Variants in SPAG6 observed in about 807,000 individuals in gnomAD.
SPAG6 encodes sperm associated antigen 6, also known as sperm-associated antigen 6.
SPAG6 carries 49 observed loss-of-function variants against 58.5 expected under a neutral mutation model. The ratio of observed to expected loss-of-function variants is 0.84; its 90% CI spans 0.67 to 1.06. The LOEUF is 1.06. Among genes scored for constraint, SPAG6 ranks in the 50% least tolerant of loss-of-function variants. The pLI is 0.00. For missense variants in SPAG6, 560 were observed against 611.3 expected, an observed-to-expected ratio of 0.92 and a Z score of 0.89; for synonymous variants, 233 against 225.6, an observed-to-expected ratio of 1.03 and a Z score of -0.29.
At chr10:22,358,678 A>T (rs1037322975) in intron 2 of SPAG6, among the ~76,000 whole-genome samples, 7 of 151,698 alleles carry the variant, frequency 4.6e-5, no homozygotes, top group Non-Finnish European at 7.4e-5. Flanking sequence ...CTGAATGGTA[A>T]TGCCTAGGTT....
At chr10:22,397,854 A>T (rs1326067047) in intron 8 of SPAG6, among the ~76,000 whole-genome samples, 1 of 152,140 alleles carries the variant, frequency 6.6e-6, no homozygotes, top group Admixed American at 6.5e-5. Flanking sequence ...TATATATTTA[A>T]CATAATCTCT....
intron 8 of SPAG6, among the ~76,000 whole-genome samples, chr10:22,396,077 A>C (rs1834285435): frequency 6.6e-6 from 1 of 152,158 alleles, no homozygotes; most frequent in African/African-American, 2.4e-5. Flanking sequence ...AAGGGGCAAT[A>C]AGAATGTCTT....
intron 2 of SPAG6, among the ~76,000 whole-genome samples, chr10:22,358,575 C>T (rs942509936): frequency 4.6e-5 from 7 of 152,044 alleles, no homozygotes; most frequent in African/African-American, 1.7e-4. Flanking sequence ...TGCAGAAGCT[C>T]TTTAGTTTAA....
At chr10:22,403,038 G>T (rs1834452112) in intron 9 of SPAG6, among the ~76,000 whole-genome samples, 1 of 152,134 alleles carries the variant, frequency 6.6e-6, no homozygotes, top group Non-Finnish European at 1.5e-5. Flanking sequence ...AAACCAGTGG[G>T]ATGTGTGGAA....
Position 22,345,824 on chromosome 10 carries a change from C to T in SPAG6, c.121+6C>T, listed in dbSNP as rs770685051. On this transcript the variant is annotated splice_donor_region_variant and intron_variant, in intron 2 of 10. Transcript: ENST00000376624. This position sits in a 1 kb window ranked among gnomAD's most constrained non-coding sequence, Gnocchi z 6.3. ...CGAGACGCTGCAGAACGCGGGTGAG[C>T]CCGGAGCCCGAACCCCCGTCGCCCC... The T allele has an allele frequency of 2.0e-5, 32 of 1,611,242 alleles. No homozygotes were observed. Among genetic ancestry groups the T allele is most frequent in the Admixed American group, 1.7e-5 (1 of 59,794 alleles).
intron 8 of SPAG6, among the ~76,000 whole-genome samples, chr10:22,396,294 C>A (rs928862534): frequency 6.6e-6 from 1 of 152,218 alleles, no homozygotes; most frequent in Non-Finnish European, 1.5e-5. Flanking sequence ...CCATACTGTT[C>A]TTGTGGTAGG....
chr10:22,401,372 G>A (rs893597652), intron 9 of SPAG6, 95 bp downstream of exon 9: 29 of 696,112 alleles, frequency 4.2e-5, no homozygotes, highest in South Asian at 1.8e-4. Flanking sequence ...TCTGTAACAC[G>A]GGGTCATGGT....
At chr10:22,348,897 A>G (rs111347835) in intron 2 of SPAG6, among the ~76,000 whole-genome samples, 2,439 of 152,248 alleles carry the variant, frequency 0.016, 57 homozygotes, top group African/African-American at 0.055. Flanking sequence ...CAGTGGTGCT[A>G]TCTCAGCTCA....
chr10:22,409,745 A>G (rs761155445), intron 9 of SPAG6, among the ~76,000 whole-genome samples: 19 of 151,964 alleles, frequency 1.3e-4, no homozygotes, highest in African/African-American at 1.7e-4. Context: ...CCACATTGTG[A>G]CCCCACCCCT....
intron 2 of SPAG6, among the ~76,000 whole-genome samples, chr10:22,363,706 G>A (rs1039467563): frequency 3.3e-5 from 5 of 152,146 alleles, no homozygotes; most frequent in Admixed American, 3.3e-4. Flanking sequence ...AAGATCAAGT[G>A]TTTAGGTGTT....
At chr10:22,380,417 C>T (rs7083939) in intron 4 of SPAG6, among the ~76,000 whole-genome samples, 1 of 152,096 alleles carries the variant, frequency 6.6e-6, no homozygotes, top group East Asian at 1.9e-4. Context: ...GGTCCTCCCA[C>T]CTCAGCCTCC....
chr10:22,382,341 A>G (rs1283337730), intron 4 of SPAG6, among the ~76,000 whole-genome samples: 7 of 152,178 alleles, frequency 4.6e-5, no homozygotes, highest in Admixed American at 3.3e-4. Flanking sequence ...TTATCTACAT[A>G]TATGCAATAA....
At chr10:22,414,833 C>A (rs1039940491) in intron 10 of SPAG6, among the ~76,000 whole-genome samples, 2 of 152,162 alleles carry the variant, frequency 1.3e-5, no homozygotes, top group Non-Finnish European at 2.9e-5. Context: ...ATGGCGTGAT[C>A]TCGGCTCACT....
intron 4 of SPAG6, 51 bp from the exon 5 acceptor site, chr10:22,386,703 C>T: frequency 1.4e-6 from 2 of 1,456,922 alleles, no homozygotes; most frequent in Non-Finnish European, 9.6e-7. Flanking sequence ...AAATGGCTTG[C>T]ACAAGGGTCA....
At chr10:22,360,772 A>T in intron 2 of SPAG6, 1 of 1,526,512 alleles carries the variant, frequency 6.6e-7, no homozygotes, top group Non-Finnish European at 8.8e-7. Context: ...TGTTTATCAG[A>T]TATTGTGGCA....
chr10:22,392,854 TA>T (rs1834212600), intron 8 of SPAG6, among the ~76,000 whole-genome samples: 1 of 152,164 alleles, frequency 6.6e-6, no homozygotes, highest in Admixed American at 6.5e-5. Context: ...AAAGTAAATT[TA>T]TGTATATTTG....
At chr10:22,402,560 G>A (rs1175882928) in intron 9 of SPAG6, among the ~76,000 whole-genome samples, 1 of 152,192 alleles carries the variant, frequency 6.6e-6, no homozygotes, top group Admixed American at 6.5e-5. Context: ...CAGGAAAGTA[G>A]AAGTTTCACA....
Position 22,401,332 on chromosome 10 carries a change from T to A in SPAG6, c.1314+55T>A, listed in dbSNP as rs796381775. The A allele has an allele frequency of 5.8e-6, 5 of 858,386 alleles. No individual in the cohort carries two copies. In the Admixed American group the frequency reaches 9.3e-5, roughly 16 times the overall value. The allele number at this position is 858,386 out of a possible 1,614,324, so 53.2% of individuals were successfully genotyped here. A position where few individuals can be genotyped will look rare whatever the true frequency, so the allele number is the denominator to read the frequency against. ...AGAAAATTAAAATGATTTGTTGTTATTTTTTTTTTCTGTTGGGTCAGTAGC... is the reference window on the plus strand; with the variant it reads ...AGAAAATTAAAATGATTTGTTGTTAATTTTTTTTTCTGTTGGGTCAGTAGC... On this transcript the variant is annotated intron_variant, in intron 9 of 10. Transcript: ENST00000376624.
intron 8 of SPAG6, among the ~76,000 whole-genome samples, chr10:22,393,565 G>A (rs1234744944): frequency 6.6e-6 from 1 of 152,058 alleles, no homozygotes; most frequent in African/African-American, 2.4e-5. Context: ...GGTGTTTTTA[G>A]GTTAACTAAT....
Sources: gnomAD v4.1 joint callset for allele counts (sites outside exome capture counted in the v4.1 genomes callset) on GRCh38, gnomAD v4.1.1 for gene constraint, Gnocchi (gnomAD v3.1) non-coding constraint, MANE v1.5 for transcripts, NCBI Gene and HGNC (gene_info 2026-07-23, HGNC 2026-07-21) for gene names.